BBX: variants seen among roughly 807,000 people sequenced by gnomAD.
BBX encodes the protein BBX high mobility group box domain containing.
BBX carries 30 observed loss-of-function variants against 100.2 expected under a neutral mutation model. The ratio of observed to expected loss-of-function variants is 0.30; its 90% CI spans 0.22 to 0.41. The LOEUF (loss-of-function observed/expected upper bound fraction) is 0.41. Among genes scored for constraint, BBX ranks in the 10% least tolerant of loss-of-function variants. The pLI is 1.00. For synonymous variants in BBX, 376 were observed against 388.1 expected, an observed-to-expected ratio of 0.97 and a Z score of 0.37; for missense variants, 1,023 against 1,129.8, an observed-to-expected ratio of 0.91 and a Z score of 1.35.
intron 3 of BBX, among the ~76,000 whole-genome samples, chr3:107,690,888 C>T (rs1169839038): frequency 1.1e-5 from 1 of 87,370 alleles, no homozygotes; most frequent in African/African-American, 3.6e-5. Flanking sequence ...TGATGCCCCC[C>T]CCCCTTTTTT....
At chr3:107,569,974 G>T (rs2051222566) in intron 2 of BBX, among the ~76,000 whole-genome samples, 1 of 152,204 alleles carries the variant, frequency 6.6e-6, no homozygotes, top group Admixed American at 6.5e-5. Flanking sequence ...GGGGCTCTGG[G>T]AGTGGCTGCC....
intron 2 of BBX, among the ~76,000 whole-genome samples, chr3:107,541,411 T>A (rs1216686047): frequency 6.6e-6 from 1 of 152,196 alleles, no homozygotes; most frequent in Non-Finnish European, 1.5e-5. Flanking sequence ...ATTTTGTTCA[T>A]GCCCTGTGAG....
intron 2 of BBX, among the ~76,000 whole-genome samples, chr3:107,595,652 TTATG>T (rs895603281): frequency 3.3e-5 from 5 of 152,210 alleles, no homozygotes; most frequent in African/African-American, 9.6e-5. Flanking sequence ...GTGACTCTTG[TTATG>T]TCAGAGCAGA....
Position 107,584,882 on chromosome 3 carries a change from A to G in BBX, c.-84+58484A>G, listed in dbSNP as rs556587388. ...GTTTTAATAGAGACAGGGTTTCACT[A>G]TGTTGGCTGGGCTGGTCTCGAACTC... On this transcript the variant is annotated intron_variant, in intron 2 of 17. Coordinates refer to ENST00000325805, the MANE Select transcript of BBX (RefSeq NM_001142568.3). 1.5e-4 allele frequency among the ~76,000 whole-genome samples: 23 copies of G among 151,718 alleles called. No individual in the cohort carries two copies. The South Asian group carries it at 3.5e-3, about 23-fold the overall frequency.
chr3:107,728,424 C>T (rs760935603), intron 5 of BBX, among the ~76,000 whole-genome samples: 1 of 152,130 alleles, frequency 6.6e-6, no homozygotes, highest in Non-Finnish European at 1.5e-5. Flanking sequence ...AGGGTTTGAA[C>T]CTGCTTCTGT....
chr3:107,598,257 T>C (rs2053803694), intron 2 of BBX, among the ~76,000 whole-genome samples: 1 of 152,224 alleles, frequency 6.6e-6, no homozygotes, highest in Non-Finnish European at 1.5e-5. Flanking sequence ...GTTTATGCTG[T>C]CTAGGGTAAT....
At position 107,808,669 on chromosome 3, in the gene BBX, A is replaced by C. The variant is rs576974334; in HGVS notation, c.*3212A>C. 24 of 152,342 alleles carry C rather than the reference A, an allele frequency of 1.6e-4. No individual in the cohort carries two copies. The highest frequency in any genetic ancestry group is 5.3e-4 in the African/African-American group (22 of 41,582). The allele number at this position is 152,342 out of a possible 1,614,324, so 9.4% of individuals were successfully genotyped here. On this transcript the variant is annotated 3_prime_UTR_variant, in exon 18 of 18. Coordinates refer to ENST00000325805, the MANE Select transcript of BBX (RefSeq NM_001142568.3). ...TTTGGGTACTGTATATGAGATCAGG[A>C]AAAAGAAAAATGTCCCACAGCCACA...
chr3:107,543,098 A>T (rs1449641174), intron 2 of BBX, among the ~76,000 whole-genome samples: 1 of 152,234 alleles, frequency 6.6e-6, no homozygotes, highest in African/African-American at 2.4e-5. Context: ...AAAAATGAAC[A>T]TCATGTCACA....
In BBX at chr3:107,773,084, A is replaced by G. The variant is rs2067034416; in HGVS notation, c.1363A>G (p.Lys455Glu). The change falls in exon 11 of 18, where the codon AAG (lysine) becomes GAG (glutamate). Residue 455 changes from lysine to glutamate, a missense_variant. This residue lies in a region of BBX where 348 missense variants were observed against 353.2 expected (regional missense o/e 0.99). Transcript: ENST00000325805. The surrounding 1 kb of genome is among the most constrained non-coding windows in gnomAD (Gnocchi z 4.1). ...GCCAGAAAAGCTAAAAAAGAAAAAG[A>G]AGAAAAGCAAAATGGATCGACATGG... Reference protein sequence around the residue: ...NKPEKLKKKKKKSKMDRHGND... With the variant: ...NKPEKLKKKKEKSKMDRHGND... 1.2e-6 allele frequency: 2 copies of G among 1,613,186 alleles called. No homozygotes were observed. The highest frequency in any genetic ancestry group is 1.7e-5 in the Admixed American group (1 of 59,772).
Position 107,747,979 on chromosome 3 carries a change from G to A in BBX, c.765G>A (p.Thr255=), listed in dbSNP as rs957724572. 16 of 1,612,756 alleles carry A rather than the reference G, an allele frequency of 9.9e-6. No homozygotes were observed. The highest frequency in any genetic ancestry group is 3.3e-5 in the Admixed American group (2 of 59,930). ...LFQFAEISSS[T]SHSDASTKQC... is the part of the protein sequence containing the mutation. ...TTTCCTTTCAGATATCTTCAAGTAC[G>A]TCCCACTCTGATGCTTCTACAAAGC... Residue 255 remains threonine (T), a synonymous_variant, in exon 9 of 18, where the codon ACG becomes ACA. Transcript: ENST00000325805.
At chr3:107,779,241 C>T (rs900834446) in intron 13 of BBX, among the ~76,000 whole-genome samples, 3 of 151,582 alleles carry the variant, frequency 2.0e-5, no homozygotes, top group African/African-American at 7.3e-5. Context: ...CTCTCATCAC[C>T]TGAGACCACT....
chr3:107,636,942 G>T (rs1235593582), intron 2 of BBX, among the ~76,000 whole-genome samples: 3 of 152,182 alleles, frequency 2.0e-5, no homozygotes, highest in East Asian at 1.9e-4. Flanking sequence ...TGTTTCTAGT[G>T]TGGTGAGCAT....
intron 2 of BBX, among the ~76,000 whole-genome samples, chr3:107,590,645 C>T (rs150606497): frequency 6.6e-6 from 1 of 152,320 alleles, no homozygotes; most frequent in East Asian, 1.9e-4. Flanking sequence ...CTCCACTTCT[C>T]TTATTTTACC....
At chr3:107,563,408 A>G (rs1237014389) in intron 2 of BBX, among the ~76,000 whole-genome samples, 1 of 152,284 alleles carries the variant, frequency 6.6e-6, no homozygotes, top group Non-Finnish European at 1.5e-5. Context: ...TCTTTTTATT[A>G]AACTCATATT....
At chr3:107,689,320 G>GTGTT (rs1280694604) in intron 3 of BBX, among the ~76,000 whole-genome samples, 8 of 152,264 alleles carry the variant, frequency 5.3e-5, no homozygotes, top group African/African-American at 1.9e-4. Context: ...CTTACGTGCT[G>GTGTT]TGTTGCTTAT....
At chr3:107,578,779 GAA>G (rs1336750939) in intron 2 of BBX, among the ~76,000 whole-genome samples, 1 of 152,234 alleles carries the variant, frequency 6.6e-6, no homozygotes, top group Admixed American at 6.5e-5. Flanking sequence ...GCAGATGAGA[GAA>G]GAGTTCTTCC....
At position 107,666,170 on chromosome 3, in the gene BBX, A is replaced by G. The variant is rs541879285; in HGVS notation, c.-10+20261A>G. Among the ~76,000 whole-genome samples, 12 of 152,344 alleles carry G rather than the reference A, an allele frequency of 7.9e-5. No homozygotes were observed. The South Asian group carries it at 2.3e-3, about 29-fold the overall frequency. ...AAAAGATGCCAGAGATCAGGCTACA[A>G]TGGGAAGGGGAACCAACTTCCTTTT... On this transcript the variant is annotated intron_variant, in intron 3 of 17. Transcript: ENST00000325805.
chr3:107,635,568 A>T (rs2056798896), intron 2 of BBX, among the ~76,000 whole-genome samples: 1 of 152,224 alleles, frequency 6.6e-6, no homozygotes, highest in Admixed American at 6.5e-5. Flanking sequence ...AAAATTTCAA[A>T]TCTAAACATC....
rs1259808496 is a variant in BBX at position 107,773,157 on chromosome 3, C to T, written c.1436C>T (p.Ser479Leu). The change falls in exon 11 of 18, where the codon TCG becomes TTG. Residue 479 changes from serine to leucine, a missense_variant. By Grantham distance (145) the Ser-to-Leu change is moderately radical. This residue lies in a region of BBX where 348 missense variants were observed against 353.2 expected (regional missense o/e 0.99). Transcript: ENST00000325805. This position sits in a 1 kb window ranked among gnomAD's most constrained non-coding sequence, Gnocchi z 4.1. Reference protein sequence around the residue: ...PKKTCKKRQSSESDIESVIYT... With the variant: ...PKKTCKKRQSLESDIESVIYT... ...AAGACTTGCAAAAAGAGGCAGTCTT[C>T]GGAATCTGACATTGAGAGCGTCATA... 5 of 1,614,072 alleles carry T rather than the reference C, an allele frequency of 3.1e-6. No individual in the cohort carries two copies. The highest frequency in any genetic ancestry group is 2.2e-5 in the East Asian group (1 of 44,878).
Sources: gnomAD v4.1 joint callset for allele counts (sites outside exome capture counted in the v4.1 genomes callset) on GRCh38, gnomAD v4.1.1 for gene constraint, gnomAD v4.1.1 regional missense constraint, Gnocchi (gnomAD v3.1) non-coding constraint, MANE v1.5 for transcripts, NCBI Gene and HGNC (gene_info 2026-07-23, HGNC 2026-07-21) for gene names.